The following CSNK1G3 variants were observed in gnomAD, a reference collection of about 807,000 sequenced individuals.
CSNK1G3 encodes casein kinase I isoform gamma-3.
Under a neutral mutation model 64.3 loss-of-function variants are expected in CSNK1G3, and 23 were observed. The ratio of observed to expected loss-of-function variants is 0.36; its 90% CI spans 0.26 to 0.51. CSNK1G3 has a LOEUF of 0.51. Ranked by LOEUF, CSNK1G3 falls within the 20% of genes least tolerant of loss-of-function variation. CSNK1G3 has a pLI of 0.96. For missense variants in CSNK1G3, 357 were observed against 510.5 expected (o/e 0.70, Z 2.90); for synonymous variants, 158 against 162.2 (o/e 0.97, Z 0.20).
intron 1 of CSNK1G3, among the ~76,000 whole-genome samples, chr5:123,516,162 C>T (rs988189182): frequency 1.3e-5 from 2 of 151,978 alleles, no homozygotes; most frequent in Admixed American, 6.6e-5. Context: ...TCTTCAGAAG[C>T]GGTAGTTTTG....
intron 6 of CSNK1G3, among the ~76,000 whole-genome samples, chr5:123,581,978 T>G (rs1004406908): frequency 6.6e-6 from 1 of 152,210 alleles, no homozygotes; most frequent in Non-Finnish European, 1.5e-5. Flanking sequence ...TTAGCCAACA[T>G]GTCTTTTGGC....
chr5:123,586,327 T>G (rs1265738547), intron 6 of CSNK1G3, among the ~76,000 whole-genome samples: 1 of 152,168 alleles, frequency 6.6e-6, no homozygotes, highest in Non-Finnish European at 1.5e-5. Flanking sequence ...TTGATTGTGG[T>G]GGTAGTTATG....
At chr5:123,582,568 C>G (rs999398312) in intron 6 of CSNK1G3, among the ~76,000 whole-genome samples, 20 of 152,106 alleles carry the variant, frequency 1.3e-4, no homozygotes, top group African/African-American at 4.6e-4. Flanking sequence ...GGTTTCAAGA[C>G]CTATTTAAAA....
In CSNK1G3 at chr5:123,592,309, G is replaced by C. The variant is rs191969134; in HGVS notation, c.1086+895G>C. 1.2e-4 allele frequency among the ~76,000 whole-genome samples: 19 copies of C among 152,052 alleles called. 1 individual carries two copies. Among genetic ancestry groups the C allele is most frequent in the Admixed American group, 1.2e-3 (18 of 15,240 alleles). On this transcript the variant is annotated intron_variant, in intron 10 of 12. Coordinates refer to ENST00000345990, the Ensembl canonical transcript of CSNK1G3. ...CGGTTCAAATTTGTTTGGAGCAGGA[G>C]GTAGGTAGAGATGGATTAGAGAGGG...
chr5:123,530,591 A>T (rs1224346488), intron 1 of CSNK1G3, among the ~76,000 whole-genome samples: 4 of 152,064 alleles, frequency 2.6e-5, no homozygotes, highest in Non-Finnish European at 5.9e-5. Context: ...GTTGTCTGAG[A>T]CCCATTAAAT....
chr5:123,513,861 A>G (rs1776670653), intron 1 of CSNK1G3, among the ~76,000 whole-genome samples: 1 of 152,228 alleles, frequency 6.6e-6, no homozygotes, highest in Non-Finnish European at 1.5e-5. Context: ...CAAAAAAATC[A>G]GATCTGGTGT....
At chr5:123,566,400 A>G (rs570933651) in intron 4 of CSNK1G3, among the ~76,000 whole-genome samples, 11 of 152,336 alleles carry the variant, frequency 7.2e-5, no homozygotes, top group African/African-American at 2.4e-4. Context: ...AGCTTTTTAT[A>G]TTAGTATCAA....
At chr5:123,571,115 G>A (rs916335517) in intron 4 of CSNK1G3, among the ~76,000 whole-genome samples, 1 of 152,128 alleles carries the variant, frequency 6.6e-6, no homozygotes, top group Non-Finnish European at 1.5e-5. Flanking sequence ...CCAGTAGCAA[G>A]AGGAGATGGG....
chr5:123,564,200 T>A (rs1786361404), intron 4 of CSNK1G3, among the ~76,000 whole-genome samples: 1 of 152,032 alleles, frequency 6.6e-6, no homozygotes, highest in Non-Finnish European at 1.5e-5. Flanking sequence ...ATGGGTACAT[T>A]TAAAGAATGT....
chr5:123,597,489 G>A (rs1793653086), intron 10 of CSNK1G3, among the ~76,000 whole-genome samples: 1 of 152,094 alleles, frequency 6.6e-6, no homozygotes, highest in Non-Finnish European at 1.5e-5. Context: ...TATCATTGCA[G>A]TCTTTTCCTT....
intron 2 of CSNK1G3, among the ~76,000 whole-genome samples, chr5:123,548,563 G>A (rs1783020121): frequency 2.0e-5 from 3 of 150,988 alleles, no homozygotes; most frequent in South Asian, 2.1e-4. Context: ...ATTTAAATAC[G>A]TGTGTTTATC....
intron 12 of CSNK1G3, among the ~76,000 whole-genome samples, chr5:123,610,085 G>A (rs983017291): frequency 2.0e-5 from 3 of 152,186 alleles, no homozygotes; most frequent in African/African-American, 7.2e-5. Context: ...GGGACTAGTT[G>A]CAAGTGGATA....
At chr5:123,562,966 G>A (rs1372162286) in intron 4 of CSNK1G3, among the ~76,000 whole-genome samples, 1 of 151,900 alleles carries the variant, frequency 6.6e-6, no homozygotes, top group Non-Finnish European at 1.5e-5. Flanking sequence ...GAACATATTT[G>A]AAATTTATGG....
intron 1 of CSNK1G3, among the ~76,000 whole-genome samples, chr5:123,517,165 T>C (rs1331452928): frequency 6.6e-6 from 1 of 152,206 alleles, no homozygotes; most frequent in Non-Finnish European, 1.5e-5. Flanking sequence ...AAATCTCTCA[T>C]ACCTGACCTC....
intron 1 of CSNK1G3, among the ~76,000 whole-genome samples, chr5:123,536,047 A>T (rs1172113146): frequency 6.6e-6 from 1 of 152,142 alleles, no homozygotes; most frequent in Non-Finnish European, 1.5e-5. Context: ...TGTGCTTTTA[A>T]ATGCTTTTAT....
At chr5:123,587,165 G>C (rs1035305601) in intron 6 of CSNK1G3, among the ~76,000 whole-genome samples, 2 of 152,136 alleles carry the variant, frequency 1.3e-5, no homozygotes, top group African/African-American at 4.8e-5. Flanking sequence ...AACCTTTTCT[G>C]ACCCTTCATC....
chr5:123,580,619 G>A (rs1441655883), intron 6 of CSNK1G3, among the ~76,000 whole-genome samples: 1 of 151,790 alleles, frequency 6.6e-6, no homozygotes, highest in Non-Finnish European at 1.5e-5. Flanking sequence ...ATATTGAATT[G>A]TTACTTTTGT....
intron 6 of CSNK1G3, among the ~76,000 whole-genome samples, chr5:123,576,599 G>A (rs1279059005): frequency 3.3e-5 from 5 of 151,958 alleles, no homozygotes; most frequent in Non-Finnish European, 7.4e-5. Flanking sequence ...TCAGTCGTTC[G>A]TTATGGCTCA....
At chr5:123,613,411 ATGTGTGTGTG>A (rs34051969) in intron 12 of CSNK1G3, among the ~76,000 whole-genome samples, 1 of 148,712 alleles carries the variant, frequency 6.7e-6, no homozygotes, top group African/African-American at 2.5e-5. Flanking sequence ...TGTCCAGTGC[ATGTGTGTGTG>A]TGTGTGTGTG....
Sources: gnomAD v4.1 joint callset for allele counts (sites outside exome capture counted in the v4.1 genomes callset) on GRCh38, gnomAD v4.1.1 for gene constraint, MANE v1.5 for transcripts, NCBI Gene and HGNC (gene_info 2026-07-23, HGNC 2026-07-21) for gene names.